The following SPOCK3 variants were observed in gnomAD, a reference collection of about 807,000 sequenced individuals.
SPOCK3 encodes the protein testican-3.
SPOCK3 carries 30 observed loss-of-function variants against 56.6 expected under a neutral mutation model. The ratio of observed to expected loss-of-function variants is 0.53; its 90% confidence interval spans 0.40 to 0.72. The LOEUF is 0.72. SPOCK3 is among the 30% of genes least tolerant of loss of function. The pLI is 0.00. For synonymous variants in SPOCK3, 196 were observed against 183.3 expected (o/e 1.07, Z -0.56); for missense variants, 527 against 530.0 (o/e 0.99, Z 0.06).
At chr4:166,750,420 C>G (rs1384372055) in intron 8 of SPOCK3, among the ~76,000 whole-genome samples, 1 of 152,074 alleles carries the variant, frequency 6.6e-6, no homozygotes, top group Non-Finnish European at 1.5e-5. Flanking sequence ...AATGTGTTTG[C>G]TACCAACGAG....
chr4:167,099,274 G>A lies in SPOCK3; in HGVS notation c.190-36737C>T, dbSNP rs1472582761. Among the ~76,000 whole-genome samples, 4 of 151,590 alleles carry A rather than the reference G, an allele frequency of 2.6e-5. No homozygotes were observed. In the South Asian group the frequency reaches 6.3e-4, roughly 24 times the overall value. On this transcript the variant is annotated intron_variant, in intron 2 of 10. Coordinates refer to ENST00000357545, the MANE Select transcript of SPOCK3 (RefSeq NM_001040159.2). ...TTTTTTAGTAGTTTTATGATTTTAA[G>A]TTATTTATATATTTTAAAATATTGG...
chr4:167,144,832 G>C (rs1486994845), intron 2 of SPOCK3, among the ~76,000 whole-genome samples: 1 of 151,722 alleles, frequency 6.6e-6, no homozygotes, highest in African/African-American at 2.4e-5. Context: ...GAGTGGAAAA[G>C]AGGTCAGAGT....
intron 3 of SPOCK3, among the ~76,000 whole-genome samples, chr4:167,032,094 C>T (rs889916811): frequency 6.6e-6 from 1 of 151,316 alleles, no homozygotes; most frequent in African/African-American, 2.4e-5. Context: ...GAAGAAGAGG[C>T]TGAAAAACAA....
intron 5 of SPOCK3, among the ~76,000 whole-genome samples, chr4:166,901,990 T>C (rs937915623): frequency 6.6e-6 from 1 of 152,100 alleles, no homozygotes; most frequent in Non-Finnish European, 1.5e-5. Flanking sequence ...AAAGGGCAGA[T>C]ACTGTTTGGA....
intron 2 of SPOCK3, among the ~76,000 whole-genome samples, chr4:167,225,469 GA>G (rs1736498894): frequency 1.3e-5 from 2 of 152,020 alleles, no homozygotes; most frequent in South Asian, 4.2e-4. Flanking sequence ...ATAACTTTAT[GA>G]AGACTTTTTA....
At chr4:166,770,396 A>G (rs1738771988) in intron 7 of SPOCK3, among the ~76,000 whole-genome samples, 1 of 152,142 alleles carries the variant, frequency 6.6e-6, no homozygotes, top group Non-Finnish European at 1.5e-5. Context: ...ATCCAGGATA[A>G]TCTCCTTATT....
Position 166,734,262 on chromosome 4 carries a change from G to A in SPOCK3, c.*659C>T, listed in dbSNP as rs1037060311. 6.6e-6 allele frequency: 1 copy of A among 151,724 alleles called. No homozygotes were observed. The highest frequency in any genetic ancestry group is 1.5e-5 in the Non-Finnish European group (1 of 67,788). 9.4% of individuals were successfully genotyped at this position (151,724 alleles called of 1,614,324 possible). A position where few individuals can be genotyped will look rare whatever the true frequency, so the allele number is the denominator to read the frequency against. ...CCATCCAAATTAAAATACACATTGGGGAGAACAACTAAATTTTTAACTTTC... is the reference window on the plus strand; with the variant it reads ...CCATCCAAATTAAAATACACATTGGAGAGAACAACTAAATTTTTAACTTTC... On this transcript the variant is annotated 3_prime_UTR_variant, in exon 11 of 11. Coordinates refer to ENST00000357545, the MANE Select transcript of SPOCK3 (RefSeq NM_001040159.2).
chr4:166,971,821 G>A (rs1745414286), intron 4 of SPOCK3, among the ~76,000 whole-genome samples: 1 of 152,038 alleles, frequency 6.6e-6, no homozygotes, highest in Admixed American at 6.6e-5. Context: ...TTTCACCAAT[G>A]GCAAATGGAG....
intron 2 of SPOCK3, among the ~76,000 whole-genome samples, chr4:167,192,586 T>C (rs1251086077): frequency 1.4e-5 from 2 of 146,088 alleles, no homozygotes; most frequent in Non-Finnish European, 3.0e-5. Context: ...TTATTTTCTG[T>C]TGCCTCCCTA....
At chr4:167,058,188 T>C (rs1755126054) in intron 3 of SPOCK3, among the ~76,000 whole-genome samples, 1 of 152,090 alleles carries the variant, frequency 6.6e-6, no homozygotes, top group African/African-American at 2.4e-5. Context: ...GGTATTCAAT[T>C]AGGAAAAGAG....
At chr4:166,949,669 G>A (rs925166354) in intron 4 of SPOCK3, among the ~76,000 whole-genome samples, 10 of 152,164 alleles carry the variant, frequency 6.6e-5, no homozygotes, top group South Asian at 4.1e-4. Flanking sequence ...TTCATGAACT[G>A]CAAATGCTGC....
intron 3 of SPOCK3, among the ~76,000 whole-genome samples, chr4:167,038,662 C>CA (rs1426579462): frequency 2.0e-3 from 68 of 33,998 alleles, no homozygotes; most frequent in Middle Eastern, 0.023. Context: ...TTTATTTTTT[C>CA]CAAAAAAAAA....
chr4:166,781,760 A>G (rs555054054), intron 7 of SPOCK3, among the ~76,000 whole-genome samples: 1 of 152,222 alleles, frequency 6.6e-6, no homozygotes, highest in East Asian at 1.9e-4. Context: ...AAGAGTGATG[A>G]GGAGAAACAT....
chr4:166,955,169 T>C (rs954534969), intron 4 of SPOCK3, among the ~76,000 whole-genome samples: 6 of 152,144 alleles, frequency 3.9e-5, no homozygotes, highest in Non-Finnish European at 5.9e-5. Context: ...AAAGCCTTTG[T>C]TAATATTTCT....
chr4:167,182,749 G>A (rs996683960), intron 2 of SPOCK3, among the ~76,000 whole-genome samples: 2 of 152,076 alleles, frequency 1.3e-5, no homozygotes, highest in Non-Finnish European at 2.9e-5. Context: ...TATTAGTTAA[G>A]CTGGTCTTGA....
intron 3 of SPOCK3, among the ~76,000 whole-genome samples, chr4:167,061,044 T>C (rs908695291): frequency 6.6e-6 from 1 of 152,072 alleles, no homozygotes; most frequent in Non-Finnish European, 1.5e-5. Flanking sequence ...TAAAAACCTC[T>C]CTTAATATTA....
intron 4 of SPOCK3, among the ~76,000 whole-genome samples, chr4:166,923,135 G>C (rs1738687565): frequency 6.6e-6 from 1 of 152,126 alleles, no homozygotes. Context: ...TCCAGTTTCT[G>C]GTAGCTATTG....
intron 4 of SPOCK3, among the ~76,000 whole-genome samples, chr4:166,956,220 TACACACACACAC>T (rs70957803): frequency 6.7e-6 from 1 of 149,640 alleles, no homozygotes; most frequent in Non-Finnish European, 1.5e-5. Context: ...ACCACACACA[TACACACACACAC>T]ACACACAATT....
At chr4:166,780,479 G>T (rs1294173256) in intron 7 of SPOCK3, among the ~76,000 whole-genome samples, 1 of 152,060 alleles carries the variant, frequency 6.6e-6, no homozygotes, top group Non-Finnish European at 1.5e-5. Flanking sequence ...CTGTGGGAAA[G>T]GTATGAACTC....
Sources: gnomAD v4.1 joint callset for allele counts (sites outside exome capture counted in the v4.1 genomes callset) on GRCh38, gnomAD v4.1.1 for gene constraint, MANE v1.5 for transcripts, NCBI Gene and HGNC (gene_info 2026-07-23, HGNC 2026-07-21) for gene names.